ZNF354C: variants seen among roughly 807,000 people sequenced by gnomAD.
The protein encoded by ZNF354C is zinc finger protein 354C, also known as KRAB-zinc finger protein synten.
Under a neutral mutation model 12.4 loss-of-function variants are expected in ZNF354C, and 7 were observed. The ratio of observed to expected loss-of-function variants is 0.56; its 90% CI spans 0.32 to 1.06. The LOEUF (loss-of-function observed/expected upper bound fraction) is 1.06, where lower values mean the gene tolerates loss of function less well. Among genes scored for constraint, ZNF354C ranks in the 50% least tolerant of loss-of-function variants. ZNF354C has a pLI of 0.04. For synonymous variants in ZNF354C, 202 were observed against 224.5 expected (o/e 0.90, Z 0.90); for missense variants, 609 against 658.0 (o/e 0.93, Z 0.81).
intron 2 of ZNF354C, among the ~76,000 whole-genome samples, chr5:179,070,472 A>G (rs1402062224): frequency 6.6e-6 from 1 of 152,080 alleles, no homozygotes; most frequent in Non-Finnish European, 1.5e-5. Context: ...TTCCATGACA[A>G]CAGTATTCTC....
intron 2 of ZNF354C, among the ~76,000 whole-genome samples, chr5:179,062,836 G>C (rs1357379492): frequency 6.6e-6 from 1 of 152,046 alleles, no homozygotes; most frequent in African/African-American, 2.4e-5. Flanking sequence ...TTTTTTCTCT[G>C]CTAGTTTAGC....
chr5:179,074,434 G>A (rs1194052589), intron 2 of ZNF354C, among the ~76,000 whole-genome samples: 1 of 152,008 alleles, frequency 6.6e-6, no homozygotes, highest in Non-Finnish European at 1.5e-5. Context: ...GGCCTGGCTT[G>A]TGTATTTTTA....
At position 179,082,819 on chromosome 5, in the gene ZNF354C, C is replaced by G. The variant is rs1240332215; in HGVS notation, c.*2722C>G. On this transcript the variant is annotated 3_prime_UTR_variant, in exon 5 of 5. Transcript: ENST00000315475. The stretch of plus-strand genomic sequence containing the variant: ...TTCTTCAAGCGACTGACCAACCGAT[C>G]AGGTCGAGGAGCTGCAACAGCCTTG... 1.4e-5 allele frequency: 19 copies of G among 1,316,050 alleles called. No individual in the cohort carries two copies. Among genetic ancestry groups the G allele is most frequent in the Non-Finnish European group, 1.9e-5 (17 of 909,580 alleles). 81.5% of individuals were successfully genotyped at this position (1,316,050 alleles called of 1,614,324 possible).
At chr5:179,069,594 G>A (rs1451420766) in intron 2 of ZNF354C, among the ~76,000 whole-genome samples, 2 of 144,884 alleles carry the variant, frequency 1.4e-5, no homozygotes, top group Non-Finnish European at 1.5e-5. Flanking sequence ...GGCCGGGCAC[G>A]GTGGCTCACG....
rs746830976 is a variant in ZNF354C at position 179,079,329 on chromosome 5, G to T, written c.897G>T (p.Pro299=). 5 of 1,613,924 alleles carry T rather than the reference G, an allele frequency of 3.1e-6. No individual in the cohort carries two copies. Among genetic ancestry groups the T allele is most frequent in the Non-Finnish European group, 4.2e-6 (5 of 1,180,026 alleles). ...TGAGAGTGCATACTGGAGAGAAACCGTATCGATGTAGGGAATGTGGTAAAG... is the reference window on the plus strand; with the variant it reads ...TGAGAGTGCATACTGGAGAGAAACCTTATCGATGTAGGGAATGTGGTAAAG... ...KHLRVHTGEK[P]YRCRECGKAF... is the part of the protein sequence containing the mutation. The change falls in exon 5 of 5, where the codon CCG becomes CCT. Residue 299 remains proline (P), a synonymous_variant. Coordinates refer to ENST00000315475, the MANE Select transcript of ZNF354C (RefSeq NM_014594.3). The surrounding 1 kb of genome is among the most constrained non-coding windows in gnomAD (Gnocchi z 4.2).
chr5:179,071,745 G>A (rs1762056236), intron 2 of ZNF354C, among the ~76,000 whole-genome samples: 2 of 152,102 alleles, frequency 1.3e-5, no homozygotes, highest in South Asian at 4.1e-4. Flanking sequence ...AGTGAGAGGA[G>A]GAATCTTGGA....
At position 179,082,678 on chromosome 5, in the gene ZNF354C, C is replaced by G; in HGVS notation, c.*2581C>G. The G allele has an allele frequency of 6.3e-7, 1 of 1,591,696 alleles. No individual in the cohort carries two copies. Among genetic ancestry groups the G allele is most frequent in the Non-Finnish European group, 8.6e-7 (1 of 1,162,338 alleles). Reference sequence around the variant, plus strand: ...GACGTGCTTTGTGGATGTGGTTAGTCAATGACACCAGCTTGACGGATCTTT... The same window carrying G: ...GACGTGCTTTGTGGATGTGGTTAGTGAATGACACCAGCTTGACGGATCTTT... On this transcript the variant is annotated 3_prime_UTR_variant, in exon 5 of 5. Transcript: ENST00000315475.
At chr5:179,077,220 C>A in intron 4 of ZNF354C, 54 bp downstream of exon 4, 2 of 1,387,748 alleles carry the variant, frequency 1.4e-6, no homozygotes, top group Non-Finnish European at 2.0e-6. Flanking sequence ...ACAAGTAGGT[C>A]ACAAAGAGGC....
chr5:179,076,593 G>A (rs770197944), intron 3 of ZNF354C, 22 bp downstream of exon 3: 23 of 1,613,142 alleles, frequency 1.4e-5, no homozygotes, highest in Non-Finnish European at 1.8e-5. Context: ...TGCCTATGAC[G>A]AAGAATCTGT....
intron 2 of ZNF354C, among the ~76,000 whole-genome samples, chr5:179,075,098 T>C (rs1193303921): frequency 6.6e-6 from 1 of 151,090 alleles, no homozygotes; most frequent in East Asian, 2.0e-4. Context: ...TCTCTACAAA[T>C]ATACAAAAAA....
chr5:179,082,978 GCTT>G lies in ZNF354C; in HGVS notation c.*2885_*2887del. 3.8e-6 allele frequency: 3 copies of G among 796,740 alleles called. No individual in the cohort carries two copies. The highest frequency in any genetic ancestry group is 4.3e-6 in the Non-Finnish European group (2 of 461,836). The allele number at this position is 796,740 out of a possible 1,614,324, so 49.4% of individuals were successfully genotyped here. A position where few individuals can be genotyped will look rare whatever the true frequency, so the allele number is the denominator to read the frequency against. ...TCAACTTCTTTCATATGGAAAAAGA[GCTT>G]CTTGCTATCCCCTACTTCATAGTTA... is the stretch of plus-strand genomic sequence containing the variant. On this transcript the variant is annotated 3_prime_UTR_variant, in exon 5 of 5. Transcript: ENST00000315475.
At chr5:179,066,754 C>T (rs549661012) in intron 2 of ZNF354C, among the ~76,000 whole-genome samples, 5 of 152,018 alleles carry the variant, frequency 3.3e-5, no homozygotes, top group Non-Finnish European at 7.4e-5. Flanking sequence ...GATCTTTTTC[C>T]CTGTCTTCTT....
In ZNF354C at chr5:179,064,424, C is replaced by CT. The variant is rs542005673; in HGVS notation, c.27+2338dup. Among the ~76,000 whole-genome samples, 335 of 145,306 alleles carry CT rather than the reference C, an allele frequency of 2.3e-3. 1 individual carries two copies. The highest frequency in any genetic ancestry group is 3.9e-3 in the Non-Finnish European group (257 of 65,818). ...TGTGCCCGGCCAATATGTAACCCCCCTTTTTTTTTGGAGACAGAGTCTTGC... is the reference window on the plus strand; with the variant it reads ...TGTGCCCGGCCAATATGTAACCCCCCTTTTTTTTTTGGAGACAGAGTCTTGC... On this transcript the variant is annotated intron_variant, in intron 2 of 4. Coordinates refer to ENST00000315475, the MANE Select transcript of ZNF354C (RefSeq NM_014594.3).
chr5:179,068,976 G>A (rs1245970479), intron 2 of ZNF354C, among the ~76,000 whole-genome samples: 1 of 152,168 alleles, frequency 6.6e-6, no homozygotes, highest in African/African-American at 2.4e-5. Flanking sequence ...GCACATGCCG[G>A]TATTAGATTA....
rs1762229413 is a variant in ZNF354C at position 179,081,765 on chromosome 5, T to G, written c.*1668T>G. On this transcript the variant is annotated 3_prime_UTR_variant, in exon 5 of 5. Coordinates refer to ENST00000315475, the MANE Select transcript of ZNF354C (RefSeq NM_014594.3). Reference sequence around the variant, plus strand: ...AACCAGGGTTCCTTGGAGAAATGGCTGATTCCATGTTTGGAGCAGGGGAAG... The same window carrying G: ...AACCAGGGTTCCTTGGAGAAATGGCGGATTCCATGTTTGGAGCAGGGGAAG... 6.6e-6 allele frequency: 1 copy of G among 152,220 alleles called. No individual in the cohort carries two copies. The highest frequency in any genetic ancestry group is 1.5e-5 in the Non-Finnish European group (1 of 68,044). The allele number at this position is 152,220 out of a possible 1,614,324, so 9.4% of individuals were successfully genotyped here. A position where few individuals can be genotyped will look rare whatever the true frequency, so the allele number is the denominator to read the frequency against.
chr5:179,078,657 G>T lies in ZNF354C; in HGVS notation c.251-26G>T, dbSNP rs1038139128. The T allele has an allele frequency of 3.2e-6, 5 of 1,545,846 alleles. No homozygotes were observed. The African/African-American group carries it at 5.5e-5, about 17-fold the overall frequency. On this transcript the variant is annotated intron_variant, in intron 4 of 4. Transcript: ENST00000315475. Reference sequence around the variant, plus strand: ...CAGTTTGTTTCTTCCAGCAGAGGAGGCATTAATTCTTCTGATTCATTTTAG... The same window carrying T: ...CAGTTTGTTTCTTCCAGCAGAGGAGTCATTAATTCTTCTGATTCATTTTAG...
intron 2 of ZNF354C, among the ~76,000 whole-genome samples, chr5:179,074,014 C>T (rs553379921): frequency 2.2e-4 from 34 of 151,346 alleles, no homozygotes; most frequent in Admixed American, 8.5e-4. Flanking sequence ...GAAAGAGTCT[C>T]GCTCTGTCTC....
rs1167675323 is a variant in ZNF354C, at chr5:179,082,525, C to T, written c.*2428C>T. ...TAAATTTATTTTTTTAAACATAACA[C>T]GAGGAAGCTGTTAAAACTGGTGTAA... On this transcript the variant is annotated 3_prime_UTR_variant, in exon 5 of 5. Coordinates refer to ENST00000315475, the MANE Select transcript of ZNF354C (RefSeq NM_014594.3). The T allele has an allele frequency of 1.1e-5, 7 of 642,864 alleles. No homozygotes were observed. Among genetic ancestry groups the T allele is most frequent in the South Asian group, 1.9e-5 (1 of 53,838 alleles). 39.8% of individuals were successfully genotyped at this position (642,864 alleles called of 1,614,324 possible).
Position 179,082,120 on chromosome 5 carries a change from T to C in ZNF354C, c.*2023T>C, listed in dbSNP as rs1762235645. ...AATTAAATCTGGCAAAAATCGATGG[T>C]AAAACCCATTAAGTGGAAAAAATTT... is the stretch of plus-strand genomic sequence containing the variant. On this transcript the variant is annotated 3_prime_UTR_variant, in exon 5 of 5. Coordinates refer to ENST00000315475, the MANE Select transcript of ZNF354C (RefSeq NM_014594.3). 6.6e-6 allele frequency: 1 copy of C among 152,382 alleles called. No homozygotes were observed. The highest frequency in any genetic ancestry group is 1.5e-5 in the Non-Finnish European group (1 of 68,170). The allele number at this position is 152,382 out of a possible 1,614,324, so 9.4% of individuals were successfully genotyped here. A position where few individuals can be genotyped will look rare whatever the true frequency, so the allele number is the denominator to read the frequency against.
Sources: gnomAD v4.1 joint callset for allele counts (sites outside exome capture counted in the v4.1 genomes callset) on GRCh38, gnomAD v4.1.1 for gene constraint, Gnocchi (gnomAD v3.1) non-coding constraint, MANE v1.5 for transcripts, NCBI Gene and HGNC (gene_info 2026-07-23, HGNC 2026-07-21) for gene names.